LIN7A: variants seen among roughly 807,000 people sequenced by gnomAD.
LIN7A encodes the protein lin-7 cell polarity scaffold A.
LIN7A carries 25 observed loss-of-function variants against 29.8 expected under a neutral mutation model. The observed-to-expected ratio is 0.84, with a 90% CI of 0.61 to 1.17. The LOEUF (loss-of-function observed/expected upper bound fraction) is 1.17. LIN7A is among the 50% of genes most tolerant of loss of function. The pLI is 0.00. For synonymous variants in LIN7A, 118 were observed against 107.5 expected, an observed-to-expected ratio of 1.10 and a Z score of -0.60; for missense variants, 239 against 287.0, an observed-to-expected ratio of 0.83 and a Z score of 1.21.
chr12:80,801,830 T>G (rs571716659), intron 5 of LIN7A, among the ~76,000 whole-genome samples: 6 of 152,154 alleles, frequency 3.9e-5, no homozygotes, highest in African/African-American at 1.4e-4. Context: ...TCCCCTTTCT[T>G]TCCCCGATCA....
At chr12:80,917,127 G>A (rs190392600) in intron 1 of LIN7A, among the ~76,000 whole-genome samples, 8 of 152,272 alleles carry the variant, frequency 5.3e-5, no homozygotes, top group Admixed American at 1.3e-4. Flanking sequence ...ACTGAATGAA[G>A]CTCAGGGTAA....
intron 2 of LIN7A, among the ~76,000 whole-genome samples, chr12:80,883,993 T>A (rs1445986184): frequency 6.6e-6 from 1 of 152,160 alleles, no homozygotes; most frequent in African/African-American, 2.4e-5. Flanking sequence ...AGTTCTCCTA[T>A]CTTGATTATA....
At position 80,888,028 on chromosome 12, in the gene LIN7A, A is replaced by T. The variant is rs116283421; in HGVS notation, c.201+1223T>A. ...AAGAGGACGCTCATGCAGTTTTGAG[A>T]TATTTTATACCTTTCCCACTGAGGG... is the stretch of plus-strand genomic sequence containing the variant. On this transcript the variant is annotated intron_variant, in intron 2 of 5. Transcript: ENST00000552864. Among the ~76,000 whole-genome samples the T allele has an allele frequency of 5.5e-3, 832 of 152,216 alleles. 4 individuals carry two copies. Among genetic ancestry groups the T allele is most frequent in the African/African-American group, 0.015 (616 of 41,544 alleles).
intron 4 of LIN7A, among the ~76,000 whole-genome samples, chr12:80,836,539 C>G (rs1047411909): frequency 3.9e-5 from 6 of 151,926 alleles, no homozygotes; most frequent in Admixed American, 1.3e-4. Flanking sequence ...GCCTGTGGTC[C>G]CAGCCACTCA....
intron 4 of LIN7A, among the ~76,000 whole-genome samples, chr12:80,827,795 G>C (rs557866803): frequency 4.6e-5 from 7 of 151,982 alleles, no homozygotes; most frequent in Admixed American, 2.6e-4. Flanking sequence ...TCACTTTCTT[G>C]CTCAAAATAA....
At chr12:80,890,557 G>A (rs772895718) in intron 1 of LIN7A, among the ~76,000 whole-genome samples, 1 of 152,116 alleles carries the variant, frequency 6.6e-6, no homozygotes, top group African/African-American at 2.4e-5. Context: ...GAATCTGGGT[G>A]GGGTTAGCAT....
intron 1 of LIN7A, among the ~76,000 whole-genome samples, chr12:80,916,365 C>T (rs896535925): frequency 1.3e-5 from 2 of 152,162 alleles, no homozygotes; most frequent in Non-Finnish European, 2.9e-5. Flanking sequence ...CTTTCTCTCT[C>T]TCTCTGTTTG....
chr12:80,880,804 T>A (rs1258382090), intron 2 of LIN7A, among the ~76,000 whole-genome samples: 1 of 146,666 alleles, frequency 6.8e-6, no homozygotes, highest in Non-Finnish European at 1.5e-5. Context: ...CACACACACA[T>A]CGACATTCAG....
chr12:80,886,876 T>G (rs1363975067), intron 2 of LIN7A, among the ~76,000 whole-genome samples: 1 of 152,066 alleles, frequency 6.6e-6, no homozygotes, highest in African/African-American at 2.4e-5. Context: ...TAGCAAATTC[T>G]AAAATAAAAA....
At chr12:80,883,024 A>T in intron 2 of LIN7A, among the ~76,000 whole-genome samples, 1 of 152,024 alleles carries the variant, frequency 6.6e-6, no homozygotes, top group Non-Finnish European at 1.5e-5. Context: ...ATAAGCTATG[A>T]TTCAGTATCA....
At chr12:80,850,427 T>G (rs1390557941) in intron 2 of LIN7A, among the ~76,000 whole-genome samples, 1 of 152,206 alleles carries the variant, frequency 6.6e-6, no homozygotes, top group East Asian at 1.9e-4. Flanking sequence ...TTTCTCATCT[T>G]ATTTGACCAT....
At chr12:80,931,066 G>T (rs991999154) in intron 1 of LIN7A, among the ~76,000 whole-genome samples, 2 of 152,170 alleles carry the variant, frequency 1.3e-5, no homozygotes, top group Non-Finnish European at 2.9e-5. Flanking sequence ...CTGGCATTGT[G>T]CATATAACAC....
chr12:80,847,975 T>C (rs1245560924), intron 3 of LIN7A: 20 of 508,250 alleles, frequency 3.9e-5, no homozygotes, highest in Non-Finnish European at 5.8e-5. Flanking sequence ...CATATAGTAT[T>C]TCACACAATG....
intron 4 of LIN7A, among the ~76,000 whole-genome samples, chr12:80,828,041 T>A (rs1872164516): frequency 6.6e-6 from 1 of 152,186 alleles, no homozygotes; most frequent in Admixed American, 6.5e-5. Flanking sequence ...AGATGCAGAT[T>A]AAATCTAAAA....
intron 1 of LIN7A, among the ~76,000 whole-genome samples, chr12:80,929,098 G>T (rs1055963871): frequency 2.0e-5 from 3 of 151,410 alleles, no homozygotes; most frequent in Admixed American, 2.0e-4. Flanking sequence ...TTATTATGTT[G>T]GTGCAAAAGT....
intron 4 of LIN7A, among the ~76,000 whole-genome samples, chr12:80,824,145 A>G (rs988038553): frequency 6.6e-6 from 1 of 152,192 alleles, no homozygotes; most frequent in Non-Finnish European, 1.5e-5. Flanking sequence ...AAAAGAGAGA[A>G]AATCCAAATA....
intron 2 of LIN7A, among the ~76,000 whole-genome samples, chr12:80,883,156 G>A (rs1343712967): frequency 1.4e-5 from 2 of 147,638 alleles, no homozygotes; most frequent in Admixed American, 1.4e-4. Context: ...TCCTTCACTC[G>A]CTCCCATTCT....
intron 4 of LIN7A, among the ~76,000 whole-genome samples, chr12:80,837,607 G>A (rs921255955): frequency 6.6e-6 from 1 of 152,126 alleles, no homozygotes; most frequent in African/African-American, 2.4e-5. Context: ...ACTGATTTGG[G>A]ATTTTTGGCT....
intron 1 of LIN7A, among the ~76,000 whole-genome samples, chr12:80,908,255 A>G (rs772953118): frequency 5.3e-5 from 8 of 152,140 alleles, no homozygotes; most frequent in Non-Finnish European, 1.0e-4. Context: ...ATAGATTGCT[A>G]TATATACAAA....
Sources: allele counts gnomAD v4.1 joint callset (sites outside exome capture counted in the v4.1 genomes callset), GRCh38; gene constraint gnomAD v4.1.1; transcripts MANE v1.5; gene names NCBI Gene and HGNC (gene_info 2026-07-23, HGNC 2026-07-21).